GANC: variants seen among roughly 807,000 people sequenced by gnomAD.
GANC encodes glucosidase alpha, neutral C, also known as neutral alpha-glucosidase C.
In GANC, 117 loss-of-function variants were observed where a neutral mutation model predicts 124.2. The observed-to-expected ratio is 0.94, with a 90% CI of 0.81 to 1.10. GANC has a LOEUF of 1.10. Ranked by LOEUF, GANC falls within the 50% of genes least tolerant of loss-of-function variation. The pLI, the probability that GANC is intolerant of heterozygous loss-of-function variation, is 0.00. For missense variants in GANC, 1,140 were observed against 1,095.0 expected (o/e 1.04, Z -0.58); for synonymous variants, 377 against 376.8 (o/e 1.00, Z -0.01).
intron 10 of GANC, among the ~76,000 whole-genome samples, chr15:42,317,745 A>G (rs1006977172): frequency 1.3e-5 from 2 of 152,322 alleles, no homozygotes; most frequent in South Asian, 4.1e-4. Context: ...TTCAGTTCCA[A>G]TTGTGATGGG....
intron 15 of GANC, among the ~76,000 whole-genome samples, chr15:42,336,137 CAA>C (rs112853909): frequency 0.021 from 2,731 of 129,404 alleles, 94 homozygotes; most frequent in African/African-American, 0.069. Context: ...CATATTGAAC[CAA>C]AAAAAAAAAA....
intron 10 of GANC, among the ~76,000 whole-genome samples, chr15:42,317,624 A>C (rs1205274513): frequency 6.6e-6 from 1 of 152,092 alleles, no homozygotes; most frequent in Non-Finnish European, 1.5e-5. Context: ...TAAATTGTGC[A>C]TTTTAGATGG....
At chr15:42,340,830 T>G (rs111854833) in intron 18 of GANC, 76 bp downstream of exon 18, 104,215 of 1,181,916 alleles carry the variant, frequency 0.088, 5,753 homozygotes, top group South Asian at 0.2. Context: ...GCAGTGATGC[T>G]ATCTCGGCTC....
intron 1 of GANC, 175 bp from the exon 2 acceptor site, chr15:42,276,173 T>G (rs1035940462): frequency 2.1e-6 from 1 of 478,452 alleles, no homozygotes; most frequent in Admixed American, 4.2e-5. Flanking sequence ...CAAAAGGCTA[T>G]TGTTCTGCAA....
rs548583827 is a variant in GANC at position 42,325,595 on chromosome 15, C to T, written c.1294-703C>T. On this transcript the variant is annotated intron_variant, in intron 11 of 23. Coordinates refer to ENST00000318010, the MANE Select transcript of GANC (RefSeq NM_198141.3). ...TTTGCTTATATCAATGTTATCTGAG[C>T]GTCTAAATGTCTAGGGAGCAGGTAC... Among the ~76,000 whole-genome samples the T allele has an allele frequency of 7.9e-5, 12 of 152,234 alleles. No individual in the cohort carries two copies. In the South Asian group the frequency reaches 1.5e-3, roughly 18 times the overall value.
rs1372390518 is a variant in GANC, at chr15:42,352,110, GC to G, written c.2718del (p.Thr907LeufsTer17). The G allele has an allele frequency of 6.2e-7, 1 of 1,613,974 alleles. No individual in the cohort carries two copies. The highest frequency in any genetic ancestry group is 8.5e-7 in the Non-Finnish European group (1 of 1,180,012). On this transcript the variant is annotated frameshift_variant, in exon 24 of 24. Transcript: ENST00000318010. LOFTEE classifies it high-confidence loss of function. ...CCTGGAGAAGCTCTCACTCAACATTGCCACTGACTGGGAGGTCCGCATCATA... is the reference window on the plus strand; with the variant it reads ...CCTGGAGAAGCTCTCACTCAACATTGCACTGACTGGGAGGTCCGCATCATA... ...LSLEKLSLNI[A>X]TDWEVRII
At chr15:42,294,334 G>A (rs537167610) in intron 5 of GANC, among the ~76,000 whole-genome samples, 7 of 151,262 alleles carry the variant, frequency 4.6e-5, no homozygotes, top group Admixed American at 6.6e-5. Flanking sequence ...AGCACTTTGG[G>A]AGGCCGAGGC....
At chr15:42,312,381 G>A (rs2052059474) in intron 10 of GANC, among the ~76,000 whole-genome samples, 1 of 152,200 alleles carries the variant, frequency 6.6e-6, no homozygotes, top group African/African-American at 2.4e-5. Context: ...TAGTGAATGA[G>A]TCTCATGAGA....
At chr15:42,322,659 A>G (rs2052170134) in intron 11 of GANC, among the ~76,000 whole-genome samples, 2 of 152,140 alleles carry the variant, frequency 1.3e-5, no homozygotes, top group African/African-American at 2.4e-5. Context: ...CAAATATCAA[A>G]TATGGTATCA....
Position 42,329,289 on chromosome 15 carries a change from C to A in GANC, c.1501-17C>A. On this transcript the variant is annotated splice_polypyrimidine_tract_variant and intron_variant, in intron 13 of 23. Coordinates refer to ENST00000318010, the MANE Select transcript of GANC (RefSeq NM_198141.3). ...ATCATCAATGTAGGAGTGTCATGAC[C>A]AAGGTTTACTTCCTAGGGATCTACG... 6.2e-7 allele frequency: 1 copy of A among 1,604,982 alleles called. No individual in the cohort carries two copies. Among genetic ancestry groups the A allele is most frequent in the Middle Eastern group, 1.7e-4 (1 of 6,008 alleles).
Position 42,327,361 on chromosome 15 carries a change from A to G in GANC, c.1421-2A>G. ...AGGCTATCTACTGTTCTGCCTCCAC[A>G]GGTCTCTCCTCTTACCTGGATTTCA... On this transcript the variant is annotated splice_acceptor_variant, in intron 12 of 23. Transcript: ENST00000318010. LOFTEE classifies it high-confidence loss of function. The G allele has an allele frequency of 6.2e-7, 1 of 1,610,398 alleles. No homozygotes were observed. The highest frequency in any genetic ancestry group is 2.2e-5 in the East Asian group (1 of 44,746).
At chr15:42,276,536 A>T in intron 2 of GANC, 126 bp downstream of exon 2, 1 of 544,428 alleles carries the variant, frequency 1.8e-6, no homozygotes, top group South Asian at 2.3e-5. Flanking sequence ...TAAGGAAATC[A>T]TCAGACAGGA....
chr15:42,308,303 A>G lies in GANC; in HGVS notation c.707A>G (p.Gln236Arg), dbSNP rs1431255701. The change falls in exon 8 of 24, where the codon CAA (glutamine) becomes CGA (arginine). Residue 236 changes from glutamine (Q) to arginine (R), a missense_variant. Gln to Arg is a conservative substitution (Grantham distance 43). Coordinates refer to ENST00000318010, the MANE Select transcript of GANC (RefSeq NM_198141.3). The part of the protein sequence containing the change: ...YGIPQHAESH[Q>R]LKNTGDGDAY... ...ATCCCACAACATGCAGAATCACACC[A>G]ACTTAAAAATACTGGGTAAGTGAAA... 3.1e-6 allele frequency: 5 copies of G among 1,605,372 alleles called. No homozygotes were observed. The highest frequency in any genetic ancestry group is 4.3e-6 in the Non-Finnish European group (5 of 1,173,186).
In GANC at chr15:42,273,539, CCT is replaced by C. The variant is rs200115858; in HGVS notation, c.-937_-936del. ...TTGTTTGCTGTGCGGCGTAGCGGCC[CCT>C]CTCTCAGACAGTCGTCTGTGCGCCG... On this transcript the variant is annotated 5_prime_UTR_variant, in exon 1 of 24. Transcript: ENST00000318010. 9.2e-4 allele frequency: 1,304 copies of C among 1,411,378 alleles called. 9 individuals carry two copies. The African/African-American group carries it at 0.017, about 18-fold the overall frequency. The allele number at this position is 1,411,378 out of a possible 1,614,324, so 87.4% of individuals were successfully genotyped here.
At chr15:42,318,824 A>G (rs2052131664) in intron 10 of GANC, among the ~76,000 whole-genome samples, 1 of 152,142 alleles carries the variant, frequency 6.6e-6, no homozygotes, top group Non-Finnish European at 1.5e-5. Flanking sequence ...CCTAGGCTCA[A>G]GGGATCCTCC....
rs1823250978 is a variant in GANC at position 42,292,726 on chromosome 15, G to C, written c.330-9G>C. 6.2e-7 allele frequency: 1 copy of C among 1,609,910 alleles called. No homozygotes were observed. Among genetic ancestry groups the C allele is most frequent in the Non-Finnish European group, 8.5e-7 (1 of 1,177,112 alleles). On this transcript the variant is annotated splice_polypyrimidine_tract_variant and intron_variant, in intron 4 of 23. Transcript: ENST00000318010. Reference sequence around the variant, plus strand: ...CAGCTTGTTTCTCTCTTCCTGTTTTGTTTTCTAGGCTGATTTCATGCTCTG... The same window carrying C: ...CAGCTTGTTTCTCTCTTCCTGTTTTCTTTTCTAGGCTGATTTCATGCTCTG...
chr15:42,298,670 A>G (rs895266975), intron 6 of GANC, among the ~76,000 whole-genome samples: 1 of 152,196 alleles, frequency 6.6e-6, no homozygotes, highest in African/African-American at 2.4e-5. Flanking sequence ...AGCACTTTTC[A>G]CAATATTGAT....
rs2051842730 is a variant in GANC, at chr15:42,291,607, G to GA, written c.330-1125dup. ...TTTTGTGGGCTGGAGATAATGGTGG[G>GA]AAATGATGCCGTTAAAATGGTCTCC... is the stretch of plus-strand genomic sequence containing the variant. On this transcript the variant is annotated intron_variant, in intron 4 of 23. Coordinates refer to ENST00000318010, the MANE Select transcript of GANC (RefSeq NM_198141.3). 4.6e-5 allele frequency among the ~76,000 whole-genome samples: 7 copies of GA among 152,274 alleles called. No individual in the cohort carries two copies. The South Asian group carries it at 1.5e-3, about 32-fold the overall frequency.
In GANC at chr15:42,283,190, C is replaced by T. The variant is rs371420452; in HGVS notation, c.202-4501C>T. ...CCTGTGTGTTGTTGCAAGGTCGGAACGTCCAGGCTTTGGAGAAAAGCTGGT... is the reference window on the plus strand; with the variant it reads ...CCTGTGTGTTGTTGCAAGGTCGGAATGTCCAGGCTTTGGAGAAAAGCTGGT... On this transcript the variant is annotated intron_variant, in intron 3 of 23. Transcript: ENST00000318010. Among the ~76,000 whole-genome samples the T allele has an allele frequency of 6.6e-5, 10 of 152,322 alleles. No individual in the cohort carries two copies. In the East Asian group the frequency reaches 1.5e-3, roughly 24 times the overall value.
Sources: gnomAD v4.1 joint callset for allele counts (sites outside exome capture counted in the v4.1 genomes callset) on GRCh38, gnomAD v4.1.1 for gene constraint, MANE v1.5 for transcripts, NCBI Gene and HGNC (gene_info 2026-07-23, HGNC 2026-07-21) for gene names.